The following ENPP2 variants were observed in gnomAD, a reference collection of about 807,000 sequenced individuals.
The protein encoded by ENPP2 is ectonucleotide pyrophosphatase/phosphodiesterase 2, also known as autotaxin.
In ENPP2, 51 loss-of-function variants were observed where a neutral mutation model predicts 120.2. The observed-to-expected ratio is 0.42, with a 90% CI of 0.34 to 0.54. ENPP2 has a LOEUF of 0.54. ENPP2 is among the 20% of genes least tolerant of loss of function. ENPP2 has a pLI of 0.04. For missense variants in ENPP2, 920 were observed against 1,066.5 expected, an observed-to-expected ratio of 0.86 and a Z score of 1.91; for synonymous variants, 365 against 366.4, an observed-to-expected ratio of 1.00 and a Z score of 0.04.
Position 119,644,551 on chromosome 8 carries a change from T to A in ENPP2, c.22-6024A>T, listed in dbSNP as rs1817373212. Among the ~76,000 whole-genome samples the A allele has an allele frequency of 2.1e-5, 3 of 140,780 alleles. No individual in the cohort carries two copies. In the South Asian group the frequency reaches 6.8e-4, roughly 32 times the overall value. The allele number at this position is 140,780 out of a possible 152,430, so 92.4% of individuals were successfully genotyped here. Reference sequence around the variant, plus strand: ...TACAATAAGGGACAGAGCTAATAGCTTTAAACCATTTTCTGCTGTGACTGG... The same window carrying A: ...TACAATAAGGGACAGAGCTAATAGCATTAAACCATTTTCTGCTGTGACTGG... On this transcript the variant is annotated intron_variant, in intron 1 of 25. Transcript: ENST00000427067.
At chr8:119,651,302 G>C (rs1817619354) in intron 1 of ENPP2, among the ~76,000 whole-genome samples, 1 of 152,164 alleles carries the variant, frequency 6.6e-6, no homozygotes, top group South Asian at 2.1e-4. Flanking sequence ...ATTTGACATG[G>C]AACAGACATT....
chr8:119,664,233 T>C (rs1818005928), intron 1 of ENPP2, among the ~76,000 whole-genome samples: 1 of 152,200 alleles, frequency 6.6e-6, no homozygotes, highest in Non-Finnish European at 1.5e-5. Flanking sequence ...ATTTGACATG[T>C]TCATGAAGAC....
chr8:119,619,940 T>C (rs1387004053), intron 4 of ENPP2, among the ~76,000 whole-genome samples: 1 of 151,970 alleles, frequency 6.6e-6, no homozygotes, highest in Non-Finnish European at 1.5e-5. Flanking sequence ...ATACAAGTTA[T>C]CAAAAAGAAT....
intron 19 of ENPP2, 127 bp from the exon 20 acceptor site, chr8:119,570,968 C>T (rs1814928446): frequency 2.0e-6 from 1 of 497,776 alleles, no homozygotes; most frequent in Admixed American, 4.2e-5. Context: ...AGCACCTTCT[C>T]CTTAATTTAA....
intron 2 of ENPP2, among the ~76,000 whole-genome samples, chr8:119,637,141 T>C (rs932268202): frequency 1.3e-5 from 2 of 152,068 alleles, no homozygotes; most frequent in African/African-American, 4.8e-5. Flanking sequence ...ATGCTAAGGA[T>C]CTGATTCCCC....
intron 1 of ENPP2, among the ~76,000 whole-genome samples, chr8:119,665,804 C>T (rs1818051840): frequency 2.0e-5 from 3 of 152,090 alleles, no homozygotes; most frequent in Admixed American, 2.0e-4. Flanking sequence ...TTCTTAGTGA[C>T]TCAATATCCT....
chr8:119,644,617 TATATATATACACACAC>T (rs1316146774), intron 1 of ENPP2, among the ~76,000 whole-genome samples: 3 of 104,820 alleles, frequency 2.9e-5, no homozygotes, highest in African/African-American at 4.0e-5. Context: ...TATATATATA[TATATATATACACACAC>T]ACACACACAC....
intron 14 of ENPP2, 95 bp downstream of exon 14, chr8:119,586,949 A>T: frequency 3.0e-6 from 3 of 1,016,916 alleles, no homozygotes; most frequent in Non-Finnish European, 4.6e-6. Flanking sequence ...TGTTCCTCCC[A>T]CCCCTCCCCG....
intron 9 of ENPP2, among the ~76,000 whole-genome samples, chr8:119,603,472 T>C (rs1814461677): frequency 6.6e-6 from 1 of 152,188 alleles, no homozygotes; most frequent in Non-Finnish European, 1.5e-5. Context: ...GTGCCAGCTA[T>C]GAGGCCAGAG....
chr8:119,595,876 G>C, intron 11 of ENPP2: 1 of 1,614,050 alleles, frequency 6.2e-7, no homozygotes, highest in Admixed American at 1.7e-5. Flanking sequence ...GCAGCATAAT[G>C]ATCCATCCTA....
At chr8:119,607,354 G>A (rs1259411636) in intron 9 of ENPP2, among the ~76,000 whole-genome samples, 1 of 152,152 alleles carries the variant, frequency 6.6e-6, no homozygotes, top group Non-Finnish European at 1.5e-5. Context: ...AGGACATCCG[G>A]AAGGAGGAGA....
At chr8:119,625,333 C>T (rs966012488) in intron 3 of ENPP2, among the ~76,000 whole-genome samples, 5 of 152,062 alleles carry the variant, frequency 3.3e-5, no homozygotes, top group Admixed American at 1.3e-4. Flanking sequence ...AAAGCAACCC[C>T]CAAAAAAGTG....
chr8:119,660,536 G>C (rs1319427545), intron 1 of ENPP2, among the ~76,000 whole-genome samples: 1 of 152,146 alleles, frequency 6.6e-6, no homozygotes, highest in African/African-American at 2.4e-5. Flanking sequence ...TTAGGACAAA[G>C]GTAACAAACA....
chr8:119,631,567 AC>A (rs1816687605), intron 2 of ENPP2, among the ~76,000 whole-genome samples: 1 of 152,142 alleles, frequency 6.6e-6, no homozygotes, highest in South Asian at 2.1e-4. Flanking sequence ...CAGTAATGCC[AC>A]ACACTCCTGT....
Position 119,587,096 on chromosome 8 carries a change from G to T in ENPP2, c.1208-21C>A. 1.9e-6 allele frequency: 3 copies of T among 1,593,812 alleles called. 1 individual carries two copies. The highest frequency in any genetic ancestry group is 2.7e-5 in the African/African-American group (2 of 74,890). On this transcript the variant is annotated intron_variant, in intron 13 of 24. Transcript: ENST00000075322. ...GTCATCTGTTCAAAGAGAGGAGAAA[G>T]ATTTCAAAAGAAATAACAACCATTA...
chr8:119,573,048 A>G (rs1815145565), intron 19 of ENPP2: 7 of 152,254 alleles, frequency 4.6e-5, no homozygotes, highest in Admixed American at 4.6e-4. Flanking sequence ...ACAAATATTC[A>G]GCCCTCATGG....
chr8:119,629,330 TA>T (rs1237173662), intron 2 of ENPP2, among the ~76,000 whole-genome samples: 5 of 152,202 alleles, frequency 3.3e-5, no homozygotes, highest in African/African-American at 1.2e-4. Context: ...ATGCGATTTA[TA>T]ATTTTATTTT....
chr8:119,569,824 A>C (rs1814814058), intron 20 of ENPP2, among the ~76,000 whole-genome samples: 2 of 151,864 alleles, frequency 1.3e-5, no homozygotes, highest in Non-Finnish European at 2.9e-5. Flanking sequence ...ATCAAAATAA[A>C]CTGTATTTGG....
chr8:119,596,031 T>C (rs544511412), intron 11 of ENPP2: 2 of 1,608,276 alleles, frequency 1.2e-6, no homozygotes, highest in African/African-American at 2.7e-5. Flanking sequence ...ATGTCTGGAC[T>C]CAGAAGTCGT....
Sources: allele counts gnomAD v4.1 joint callset (sites outside exome capture counted in the v4.1 genomes callset), GRCh38; gene constraint gnomAD v4.1.1; transcripts MANE v1.5; gene names NCBI Gene and HGNC (gene_info 2026-07-23, HGNC 2026-07-21).